The following UIMC1 variants were observed in gnomAD, a reference collection of about 807,000 sequenced individuals.
UIMC1 encodes BRCA1-A complex subunit RAP80.
UIMC1 carries 42 observed loss-of-function variants against 84.9 expected under a neutral mutation model. That is an observed-to-expected ratio of 0.49 (90% confidence interval 0.39 to 0.64). UIMC1 has a LOEUF of 0.64. Among genes scored for constraint, UIMC1 ranks in the 30% least tolerant of loss-of-function variants. The pLI is 0.00. For synonymous variants in UIMC1, 281 were observed against 293.0 expected, an observed-to-expected ratio of 0.96 and a Z score of 0.42; for missense variants, 825 against 847.6, an observed-to-expected ratio of 0.97 and a Z score of 0.33.
At chr5:176,994,064 T>C (rs983223002) in intron 1 of UIMC1, among the ~76,000 whole-genome samples, 2 of 141,268 alleles carry the variant, frequency 1.4e-5, no homozygotes, top group African/African-American at 5.2e-5. Flanking sequence ...AAGGATGAAA[T>C]AGTAAAAAAC....
At chr5:176,944,682 TG>T (rs913657763) in intron 9 of UIMC1, among the ~76,000 whole-genome samples, 1 of 152,218 alleles carries the variant, frequency 6.6e-6, no homozygotes, top group African/African-American at 2.4e-5. Context: ...CTGGGTCTTT[TG>T]GGGTAAGAGG....
At chr5:176,906,978 T>C in intron 13 of UIMC1, 136 bp downstream of exon 13, 2 of 777,938 alleles carry the variant, frequency 2.6e-6, no homozygotes, top group Non-Finnish European at 4.2e-6. Flanking sequence ...ATGACCTAGA[T>C]TGAGTCTCAA....
chr5:176,944,597 A>C (rs895184887), intron 9 of UIMC1, among the ~76,000 whole-genome samples: 1 of 152,232 alleles, frequency 6.6e-6, no homozygotes, highest in Non-Finnish European at 1.5e-5. Context: ...GAGGAAAACA[A>C]ATAAAATATC....
chr5:176,951,493 A>T lies in UIMC1; in HGVS notation c.1424T>A (p.Ile475Lys). The T allele has an allele frequency of 6.4e-6, 10 of 1,565,340 alleles. No homozygotes were observed. The highest frequency in any genetic ancestry group is 8.6e-6 in the Non-Finnish European group (10 of 1,159,810). The change falls in exon 9 of 15, where the codon ATA becomes AAA. Residue 475 changes from isoleucine to lysine, a missense_variant. Physicochemically the swap from Ile to Lys is moderately radical, Grantham distance 102. Coordinates refer to ENST00000511320, the MANE Select transcript of UIMC1 (RefSeq NM_001199298.2). The part of the protein sequence containing the change: ...GSRDILDGVR[I>K]IMADKEVGNK... The stretch of plus-strand genomic sequence containing the variant: ...ATTCACCTCCTTATCTGCCATTATT[A>T]TTCTGACTCCATCCAAGATATCTCT...
intron 10 of UIMC1, among the ~76,000 whole-genome samples, chr5:176,935,087 T>C (rs1180240345): frequency 6.6e-6 from 1 of 152,222 alleles, no homozygotes; most frequent in Non-Finnish European, 1.5e-5. Context: ...CAAATAATTA[T>C]TTTAGTAACA....
intron 4 of UIMC1, chr5:176,970,063 G>A: frequency 5.2e-6 from 1 of 193,732 alleles, no homozygotes; most frequent in Non-Finnish European, 1.1e-5. Context: ...CTGAGGTCAG[G>A]AGTTCCAGAC....
Position 176,908,617 on chromosome 5 carries a change from A to G in UIMC1, c.1754T>C (p.Leu585Pro), listed in dbSNP as rs543508216. Residue 585 changes from leucine (L) to proline (P), a missense_variant, in exon 12 of 15, where the codon CTT (leucine) becomes CCT (proline). By Grantham distance (98) the Leu-to-Pro change is moderately conservative (BLOSUM62 -3). Coordinates refer to ENST00000511320, the MANE Select transcript of UIMC1 (RefSeq NM_001199298.2). ...TCCATCTCCTTGGTCAGCCTTTGCA[A>G]GCTGGAGACAGGAGTCCACATGACA... Reference protein sequence around the residue: ...YQCHVDSCLQLAKADQGDGPE... With the variant: ...YQCHVDSCLQPAKADQGDGPE... 1 of 1,614,178 alleles carries G rather than the reference A, an allele frequency of 6.2e-7. No individual in the cohort carries two copies. The highest frequency in any genetic ancestry group is 8.5e-7 in the Non-Finnish European group (1 of 1,179,998).
chr5:176,912,636 C>T (rs1181066871), intron 10 of UIMC1, among the ~76,000 whole-genome samples: 1 of 150,842 alleles, frequency 6.6e-6, no homozygotes, highest in Non-Finnish European at 1.5e-5. Flanking sequence ...CCATGCCTGG[C>T]TAATTTTTTA....
intron 3 of UIMC1, among the ~76,000 whole-genome samples, chr5:176,971,375 C>A (rs372283824): frequency 1.3e-5 from 2 of 152,164 alleles, no homozygotes; most frequent in Non-Finnish European, 2.9e-5. Context: ...CCGGGGTACA[C>A]TGAAGAAATG....
intron 10 of UIMC1, among the ~76,000 whole-genome samples, chr5:176,927,481 T>G (rs1762522340): frequency 6.6e-6 from 1 of 152,092 alleles, no homozygotes; most frequent in South Asian, 2.1e-4. Context: ...CTTGAACTCC[T>G]GACCGCAAGT....
chr5:176,994,665 C>T (rs552534296), intron 1 of UIMC1, among the ~76,000 whole-genome samples: 60 of 152,220 alleles, frequency 3.9e-4, no homozygotes, highest in African/African-American at 1.3e-3. Flanking sequence ...GAGCCCTCAA[C>T]AAAGACAGGG....
intron 10 of UIMC1, among the ~76,000 whole-genome samples, chr5:176,924,617 C>G (rs1762148927): frequency 6.6e-6 from 1 of 151,850 alleles, no homozygotes; most frequent in African/African-American, 2.4e-5. Flanking sequence ...AACCTCATCC[C>G]CTAACTCACA....
At chr5:177,022,391 T>G (rs1260717568) in intron 1 of UIMC1, 2 of 246,632 alleles carry the variant, frequency 8.1e-6, no homozygotes, top group East Asian at 8.8e-5. Flanking sequence ...TCAGTTTCCC[T>G]GTGAATGAAA....
intron 1 of UIMC1, among the ~76,000 whole-genome samples, chr5:177,014,882 G>A (rs1383823879): frequency 1.3e-5 from 2 of 152,076 alleles, no homozygotes; most frequent in South Asian, 2.1e-4. Context: ...CTTATACCAC[G>A]TGACATTTTA....
At chr5:177,005,622 G>A (rs1407838505) in intron 1 of UIMC1, among the ~76,000 whole-genome samples, 1 of 151,850 alleles carries the variant, frequency 6.6e-6, no homozygotes. Flanking sequence ...AACGCAAACA[G>A]CGGATAAGCT....
At chr5:176,940,594 G>C (rs775960205) in intron 10 of UIMC1, among the ~76,000 whole-genome samples, 9 of 151,968 alleles carry the variant, frequency 5.9e-5, no homozygotes, top group Non-Finnish European at 1.2e-4. Context: ...AAAACAATCA[G>C]ACTAAAGAGC....
At chr5:176,980,797 A>G (rs1372718554) in intron 2 of UIMC1, among the ~76,000 whole-genome samples, 1 of 152,168 alleles carries the variant, frequency 6.6e-6, no homozygotes, top group Admixed American at 6.5e-5. Flanking sequence ...GTACAATCAT[A>G]GCTCACTGCA....
chr5:177,003,019 T>C (rs1377300728), intron 1 of UIMC1, among the ~76,000 whole-genome samples: 1 of 152,086 alleles, frequency 6.6e-6, no homozygotes, highest in East Asian at 1.9e-4. Context: ...TACGCACCTA[T>C]AAATATTTGC....
At chr5:177,000,369 CT>C (rs1386579555) in intron 1 of UIMC1, among the ~76,000 whole-genome samples, 1 of 152,086 alleles carries the variant, frequency 6.6e-6, no homozygotes, top group African/African-American at 2.4e-5. Context: ...CCAGCATTTC[CT>C]ATTACGTGTT....
Sources: allele counts gnomAD v4.1 joint callset (sites outside exome capture counted in the v4.1 genomes callset), GRCh38; gene constraint gnomAD v4.1.1; transcripts MANE v1.5; gene names NCBI Gene and HGNC (gene_info 2026-07-23, HGNC 2026-07-21).